The following ALDH9A1 variants were observed in gnomAD, a reference collection of about 807,000 sequenced individuals.
The protein encoded by ALDH9A1 is 4-trimethylaminobutyraldehyde dehydrogenase.
Under a neutral mutation model 56.6 loss-of-function variants are expected in ALDH9A1, and 42 were observed. That is an observed-to-expected ratio of 0.74 (90% CI 0.58 to 0.96). The LOEUF is 0.96. Ranked by LOEUF, ALDH9A1 falls within the 40% of genes least tolerant of loss-of-function variation. The pLI is 0.00. For missense variants in ALDH9A1, 661 were observed against 651.5 expected (o/e 1.01, Z -0.16); for synonymous variants, 242 against 236.0 (o/e 1.03, Z -0.23).
At chr1:165,668,406 C>A (rs1649071836) in intron 8 of ALDH9A1, among the ~76,000 whole-genome samples, 1 of 152,136 alleles carries the variant, frequency 6.6e-6, no homozygotes, top group African/African-American at 2.4e-5. Context: ...TCTCTTTCAC[C>A]ATGTGACTCG....
intron 2 of ALDH9A1, among the ~76,000 whole-genome samples, chr1:165,683,493 C>T (rs1649618713): frequency 6.6e-6 from 1 of 152,140 alleles, no homozygotes; most frequent in Non-Finnish European, 1.5e-5. Context: ...AAATGGATGG[C>T]TCACAAGTGG....
intron 2 of ALDH9A1, among the ~76,000 whole-genome samples, chr1:165,692,776 A>G (rs1304115150): frequency 6.6e-6 from 1 of 151,652 alleles, no homozygotes; most frequent in East Asian, 1.9e-4. Context: ...AAGCCAAAAG[A>G]ACACAGCTGG....
At chr1:165,677,076 A>G (rs1430101905) in intron 6 of ALDH9A1, among the ~76,000 whole-genome samples, 1 of 152,192 alleles carries the variant, frequency 6.6e-6, no homozygotes, top group Non-Finnish European at 1.5e-5. Context: ...AAAAGTTTAC[A>G]AAAAATAAAA....
At chr1:165,670,670 A>T (rs1025111075) in intron 6 of ALDH9A1, among the ~76,000 whole-genome samples, 1 of 152,240 alleles carries the variant, frequency 6.6e-6, no homozygotes, top group Non-Finnish European at 1.5e-5. Context: ...CACTAATTTT[A>T]AAAAACTCTT....
At chr1:165,673,630 A>G (rs6690818) in intron 6 of ALDH9A1, among the ~76,000 whole-genome samples, 110,399 of 151,958 alleles carry the variant, frequency 0.73, 40,570 homozygotes, top group East Asian at 0.99. Context: ...GTCGGAACTC[A>G]GAGTTATAAG....
Sources: allele counts gnomAD v4.1 joint callset (sites outside exome capture counted in the v4.1 genomes callset), GRCh38; gene constraint gnomAD v4.1.1; transcripts MANE v1.5; gene names NCBI Gene and HGNC (gene_info 2026-07-23, HGNC 2026-07-21).